The following PIEZO2 variants were observed in gnomAD, a reference collection of about 807,000 sequenced individuals.
PIEZO2 encodes piezo type mechanosensitive ion channel component 2.
A neutral mutation model predicts 337.3 loss-of-function variants in PIEZO2; 172 were observed. That is an observed-to-expected ratio of 0.51 (90% confidence interval 0.45 to 0.58). PIEZO2 has a LOEUF of 0.58. PIEZO2 is among the 20% of genes least tolerant of loss of function. PIEZO2 has a pLI of 0.00. For missense variants in PIEZO2, 3,028 were observed against 3,391.3 expected (o/e 0.89, Z 2.66); for synonymous variants, 1,251 against 1,228.5 (o/e 1.02, Z -0.38).
chr18:10,772,420 C>A (rs2038636197), intron 20 of PIEZO2, among the ~76,000 whole-genome samples: 1 of 152,212 alleles, frequency 6.6e-6, no homozygotes. Context: ...GTCATAAAAT[C>A]CTAGACTTAA....
intron 7 of PIEZO2, among the ~76,000 whole-genome samples, chr18:10,852,792 C>T (rs2041592717): frequency 6.6e-6 from 1 of 152,198 alleles, no homozygotes; most frequent in Non-Finnish European, 1.5e-5. Flanking sequence ...CTCACACCCT[C>T]TTCTACTGTT....
intron 36 of PIEZO2, chr18:10,725,545 C>A (rs2036499845): frequency 1.2e-5 from 16 of 1,376,932 alleles, no homozygotes; most frequent in Non-Finnish European, 1.6e-5. Flanking sequence ...GCCCCACTAA[C>A]TCCCCCTTTT....
chr18:10,814,211 T>C (rs1023989768), intron 7 of PIEZO2, among the ~76,000 whole-genome samples: 12 of 152,062 alleles, frequency 7.9e-5, no homozygotes, highest in African/African-American at 2.2e-4. Flanking sequence ...CCTCATGATC[T>C]GCCCGCCTTG....
In PIEZO2 at chr18:10,714,885, G is replaced by A; in HGVS notation, c.5302C>T (p.His1768Tyr). Residue 1768 changes from histidine to tyrosine, a missense_variant, in exon 39 of 56, where the codon CAC becomes TAC. Around this residue, in one of 5 missense-constraint regions of PIEZO2, gnomAD observed 1,925 missense variants for 2,051.9 expected, o/e 0.94. Transcript: ENST00000674853. ...GACTCTCTGGAAAGGTTCATGATGT[G>A]GTTCTGATAGTACATGTGGATGCTC... ...RESIHMYYQN[H>Y]IMNLSRESGL... 6.5e-7 allele frequency: 1 copy of A among 1,537,192 alleles called. No individual in the cohort carries two copies. Among genetic ancestry groups the A allele is most frequent in the Non-Finnish European group, 8.7e-7 (1 of 1,146,888 alleles).
At chr18:10,936,702 C>T (rs2145222945) in intron 3 of PIEZO2, among the ~76,000 whole-genome samples, 1 of 152,312 alleles carries the variant, frequency 6.6e-6, no homozygotes, top group East Asian at 1.9e-4. Context: ...CGCTTCAGGA[C>T]AGGCAATCAA....
intron 3 of PIEZO2, among the ~76,000 whole-genome samples, chr18:10,957,535 ATAAATG>A (rs1446250954): frequency 3.3e-5 from 5 of 152,204 alleles, no homozygotes; most frequent in African/African-American, 4.8e-5. Flanking sequence ...AGCACAAGAC[ATAAATG>A]TAAAATCTGA....
chr18:11,148,473 A>G lies in PIEZO2; in HGVS notation c.64+52T>C. ...CACTTTGTTAAGAAGTCCCCCACCC[A>G]GGCGCCCCCCTCGTCCTCCTCAAGT... On this transcript the variant is annotated intron_variant, in intron 1 of 55. Coordinates refer to ENST00000674853, the MANE Select transcript of PIEZO2 (RefSeq NM_001378183.1). The surrounding 1 kb of genome is among the most constrained non-coding windows in gnomAD (Gnocchi z 5.2). 1 of 1,523,268 alleles carries G rather than the reference A, an allele frequency of 6.6e-7. No homozygotes were observed. Among genetic ancestry groups the G allele is most frequent in the South Asian group, 1.2e-5 (1 of 83,698 alleles). The allele number at this position is 1,523,268 out of a possible 1,614,324, so 94.4% of individuals were successfully genotyped here. A position where few individuals can be genotyped will look rare whatever the true frequency, so the allele number is the denominator to read the frequency against.
In PIEZO2 at chr18:10,699,090, T is replaced by G. The variant is rs1390298587; in HGVS notation, c.6529A>C (p.Arg2177=). Residue 2177 remains arginine, a synonymous_variant, in exon 44 of 56, where the codon AGG becomes CGG. Transcript: ENST00000674853. ...SDDELSLGHG[R]RDSSDSLKSI... is the part of the protein sequence containing the mutation. ...TTGAGAGAATCGGAGGAGTCCCTCCTGCCATGACCGAGGGAGAGCTCATCA... is the reference window on the plus strand; with the variant it reads ...TTGAGAGAATCGGAGGAGTCCCTCCGGCCATGACCGAGGGAGAGCTCATCA... The G allele has an allele frequency of 6.5e-7, 1 of 1,537,236 alleles. No individual in the cohort carries two copies. Among genetic ancestry groups the G allele is most frequent in the Admixed American group, 2.0e-5 (1 of 51,012 alleles).
At chr18:10,838,937 A>T (rs1409662249) in intron 7 of PIEZO2, among the ~76,000 whole-genome samples, 3 of 152,216 alleles carry the variant, frequency 2.0e-5, no homozygotes, top group Non-Finnish European at 4.4e-5. Context: ...AGGCACTTCT[A>T]TTACCCACAA....
intron 1 of PIEZO2, among the ~76,000 whole-genome samples, chr18:11,115,469 C>A (rs572659284): frequency 6.6e-6 from 1 of 152,104 alleles, no homozygotes; most frequent in Non-Finnish European, 1.5e-5. Context: ...GTCCCAAATA[C>A]GGAAATGTTA....
chr18:10,992,215 G>A (rs1260235852), intron 2 of PIEZO2, among the ~76,000 whole-genome samples: 1 of 152,138 alleles, frequency 6.6e-6, no homozygotes, highest in Non-Finnish European at 1.5e-5. Context: ...CTTGTGCTGT[G>A]CAGGAGCTCT....
chr18:10,932,381 G>A (rs531927992), intron 3 of PIEZO2, among the ~76,000 whole-genome samples: 1 of 152,188 alleles, frequency 6.6e-6, no homozygotes, highest in African/African-American at 2.4e-5. Context: ...GGGTGACAGA[G>A]GAAGACTGTC....
intron 2 of PIEZO2, among the ~76,000 whole-genome samples, chr18:11,030,477 G>A (rs1456753418): frequency 1.3e-5 from 2 of 152,184 alleles, no homozygotes; most frequent in Non-Finnish European, 2.9e-5. Flanking sequence ...AGGCCCAAAG[G>A]AGTGACTTGC....
rs139858689 is a variant in PIEZO2, at chr18:10,672,312, C to T, written c.8345+378G>A. Among the ~76,000 whole-genome samples the T allele has an allele frequency of 3.3e-5, 5 of 151,994 alleles. No individual in the cohort carries two copies. Among genetic ancestry groups the T allele is most frequent in the African/African-American group, 7.3e-5 (3 of 41,360 alleles). Reference sequence around the variant, plus strand: ...AGGATTTAAGCATCAGAACATGATGCGATGTTTCAGAAGTTCAAAAGCAGG... The same window carrying T: ...AGGATTTAAGCATCAGAACATGATGTGATGTTTCAGAAGTTCAAAAGCAGG... On this transcript the variant is annotated intron_variant, in intron 55 of 55. Coordinates refer to ENST00000674853, the MANE Select transcript of PIEZO2 (RefSeq NM_001378183.1). This position sits in a 1 kb window ranked among gnomAD's most constrained non-coding sequence, Gnocchi z 4.7.
At chr18:10,931,713 TGAGAGAGA>T (rs10603024) in intron 3 of PIEZO2, among the ~76,000 whole-genome samples, 32 of 147,854 alleles carry the variant, frequency 2.2e-4, no homozygotes, top group African/African-American at 6.0e-4. Context: ...TGTGTGTGTG[TGAGAGAGA>T]GAGAGAGAGA....
At chr18:10,865,639 C>A (rs979041808) in intron 5 of PIEZO2, among the ~76,000 whole-genome samples, 34 of 152,254 alleles carry the variant, frequency 2.2e-4, no homozygotes, top group African/African-American at 7.9e-4. Context: ...AGCTGTGTCT[C>A]CCGCTCCCAA....
chr18:10,779,818 A>G (rs1219271213), intron 18 of PIEZO2, among the ~76,000 whole-genome samples: 1 of 152,136 alleles, frequency 6.6e-6, no homozygotes, highest in Admixed American at 6.5e-5. Context: ...TTATGCCCCT[A>G]CTCTAGCAAG....
At chr18:11,059,865 A>G (rs2037875076) in intron 2 of PIEZO2, among the ~76,000 whole-genome samples, 1 of 152,200 alleles carries the variant, frequency 6.6e-6, no homozygotes, top group South Asian at 2.1e-4. Context: ...GAAAGTTAAC[A>G]AGGATATCCA....
chr18:11,018,765 C>A (rs898986408), intron 2 of PIEZO2, among the ~76,000 whole-genome samples: 3 of 152,124 alleles, frequency 2.0e-5, no homozygotes, highest in African/African-American at 4.8e-5. Context: ...ATGAAGAGAT[C>A]TCATTTTATT....
Sources: gnomAD v4.1 joint callset for allele counts (sites outside exome capture counted in the v4.1 genomes callset) on GRCh38, gnomAD v4.1.1 for gene constraint, gnomAD v4.1.1 regional missense constraint, Gnocchi (gnomAD v3.1) non-coding constraint, MANE v1.5 for transcripts, NCBI Gene and HGNC (gene_info 2026-07-23, HGNC 2026-07-21) for gene names.